Variants in ERBB4 observed in about 807,000 individuals in gnomAD.
ERBB4 encodes erb-b2 receptor tyrosine kinase 4, also known as receptor tyrosine-protein kinase erbB-4.
ERBB4 carries 42 observed loss-of-function variants against 158.0 expected under a neutral mutation model. The observed-to-expected ratio is 0.27, with a 90% CI of 0.21 to 0.34. ERBB4 has a LOEUF of 0.34. Among genes scored for constraint, ERBB4 ranks in the 10% least tolerant of loss-of-function variants. ERBB4 has a pLI of 1.00. For synonymous variants in ERBB4, 583 were observed against 558.7 expected (o/e 1.04, Z -0.61); for missense variants, 1,333 against 1,624.1 (o/e 0.82, Z 3.08).
At chr2:211,823,692 T>C (rs1194655638) in intron 3 of ERBB4, among the ~76,000 whole-genome samples, 1 of 152,014 alleles carries the variant, frequency 6.6e-6, no homozygotes, top group Non-Finnish European at 1.5e-5. Flanking sequence ...TCAAAGTATA[T>C]TAACTCAAAT....
intron 1 of ERBB4, among the ~76,000 whole-genome samples, chr2:212,515,687 AAACTT>A: frequency 6.6e-6 from 1 of 152,066 alleles, no homozygotes; most frequent in Non-Finnish European, 1.5e-5. Flanking sequence ...TCACCTAAGA[AAACTT>A]AAATTTTAAA....
intron 20 of ERBB4, among the ~76,000 whole-genome samples, chr2:211,520,369 C>T (rs556635651): frequency 1.2e-4 from 18 of 151,942 alleles, no homozygotes; most frequent in Non-Finnish European, 2.2e-4. Flanking sequence ...AGGGAGAAGA[C>T]GACATATTCA....
At chr2:212,155,154 T>C (rs114212730) in intron 1 of ERBB4, among the ~76,000 whole-genome samples, 5 of 152,328 alleles carry the variant, frequency 3.3e-5, no homozygotes, top group African/African-American at 1.2e-4. Flanking sequence ...AAATGTTTTA[T>C]TTAAAGCTTG....
chr2:211,684,226 T>C (rs1331778623), intron 12 of ERBB4, among the ~76,000 whole-genome samples: 1 of 152,046 alleles, frequency 6.6e-6, no homozygotes, highest in East Asian at 1.9e-4. Context: ...CCAAAGCTGG[T>C]GGATCATCTG....
At chr2:211,594,933 C>A (rs914497434) in intron 19 of ERBB4, among the ~76,000 whole-genome samples, 1 of 152,092 alleles carries the variant, frequency 6.6e-6, no homozygotes, top group Non-Finnish European at 1.5e-5. Context: ...GTGTGGCAGT[C>A]GTATGTCTAC....
At chr2:211,796,497 T>C (rs1233638173) in intron 3 of ERBB4, among the ~76,000 whole-genome samples, 1 of 151,988 alleles carries the variant, frequency 6.6e-6, no homozygotes, top group African/African-American at 2.4e-5. Context: ...TACTGCTGGG[T>C]CATAGTGATA....
intron 2 of ERBB4, among the ~76,000 whole-genome samples, chr2:211,953,748 T>C (rs1327373947): frequency 6.6e-6 from 1 of 152,046 alleles, no homozygotes; most frequent in Non-Finnish European, 1.5e-5. Flanking sequence ...AAAACTCTTC[T>C]AGCCCAAGGG....
Position 211,379,133 on chromosome 2 carries a change from T to C in ERBB4, c.*4482A>G. The C allele has an allele frequency of 4.3e-6, 1 of 231,100 alleles. No individual in the cohort carries two copies. Among genetic ancestry groups the C allele is most frequent in the Non-Finnish European group, 8.6e-6 (1 of 116,736 alleles). 14.3% of individuals were successfully genotyped at this position (231,100 alleles called of 1,614,324 possible). ...TCAGAAAAATTGTGATTCTTTGTTG[T>C]CATTTTTGGAGGCAAGAGGGCATAG... On this transcript the variant is annotated 3_prime_UTR_variant, in exon 28 of 28. Coordinates refer to ENST00000342788, the MANE Select transcript of ERBB4 (RefSeq NM_005235.3).
intron 3 of ERBB4, among the ~76,000 whole-genome samples, chr2:211,933,428 T>G (rs2080230374): frequency 6.6e-6 from 1 of 152,076 alleles, no homozygotes; most frequent in Non-Finnish European, 1.5e-5. Flanking sequence ...CCCAGTACTC[T>G]TTGAACAAGA....
intron 1 of ERBB4, among the ~76,000 whole-genome samples, chr2:212,290,731 T>C (rs889398471): frequency 3.3e-5 from 5 of 152,050 alleles, no homozygotes; most frequent in African/African-American, 9.7e-5. Context: ...AAATCACATA[T>C]TGGATTACTT....
At chr2:212,168,805 A>G (rs988400570) in intron 1 of ERBB4, among the ~76,000 whole-genome samples, 1 of 152,208 alleles carries the variant, frequency 6.6e-6, no homozygotes, top group African/African-American at 2.4e-5. Context: ...GCTGCTAATG[A>G]GGCCCATGCC....
chr2:212,049,296 C>T (rs1440907201), intron 2 of ERBB4, among the ~76,000 whole-genome samples: 2 of 152,150 alleles, frequency 1.3e-5, no homozygotes, highest in Non-Finnish European at 2.9e-5. Context: ...GATGTGTGTT[C>T]AACTTTCCAG....
intron 1 of ERBB4, among the ~76,000 whole-genome samples, chr2:212,215,538 A>C (rs2083072356): frequency 6.6e-6 from 1 of 151,322 alleles, no homozygotes; most frequent in South Asian, 2.1e-4. Flanking sequence ...TGAAATAGAA[A>C]TAATAACATG....
intron 1 of ERBB4, among the ~76,000 whole-genome samples, chr2:212,247,535 G>A (rs1287323610): frequency 6.6e-6 from 1 of 152,106 alleles, no homozygotes; most frequent in African/African-American, 2.4e-5. Flanking sequence ...TATTAGAATT[G>A]GTTGAAAATA....
Position 211,377,907 on chromosome 2 carries a change from T to A in ERBB4, c.*5708A>T. 1 of 232,908 alleles carries A rather than the reference T, an allele frequency of 4.3e-6. No individual in the cohort carries two copies. The highest frequency in any genetic ancestry group is 8.5e-6 in the Non-Finnish European group (1 of 117,558). The allele number at this position is 232,908 out of a possible 1,614,324, so 14.4% of individuals were successfully genotyped here. A position where few individuals can be genotyped will look rare whatever the true frequency, so the allele number is the denominator to read the frequency against. Reference sequence around the variant, plus strand: ...ACCATAATTTTAATAGCTTAAATATTCTCTATGCGGTAGTTTGATAGTTCA... The same window carrying A: ...ACCATAATTTTAATAGCTTAAATATACTCTATGCGGTAGTTTGATAGTTCA... On this transcript the variant is annotated 3_prime_UTR_variant, in exon 28 of 28. Coordinates refer to ENST00000342788, the MANE Select transcript of ERBB4 (RefSeq NM_005235.3).
intron 2 of ERBB4, among the ~76,000 whole-genome samples, chr2:212,080,527 C>G (rs1012903049): frequency 2.0e-5 from 3 of 151,404 alleles, no homozygotes; most frequent in Non-Finnish European, 4.4e-5. Context: ...GTGAAGACCA[C>G]AATTTTTATG....
intron 25 of ERBB4, among the ~76,000 whole-genome samples, chr2:211,415,735 C>T (rs1449170337): frequency 2.0e-5 from 3 of 152,092 alleles, no homozygotes; most frequent in Non-Finnish European, 2.9e-5. Flanking sequence ...TCAAGATACT[C>T]AACTTACATT....
chr2:211,458,237 G>A (rs750008372), intron 20 of ERBB4, among the ~76,000 whole-genome samples: 1 of 151,820 alleles, frequency 6.6e-6, no homozygotes, highest in Non-Finnish European at 1.5e-5. Context: ...TGTACAATGA[G>A]CCTTTGACCA....
chr2:212,470,309 C>T (rs2106113859), intron 1 of ERBB4, among the ~76,000 whole-genome samples: 2 of 152,014 alleles, frequency 1.3e-5, no homozygotes, highest in South Asian at 2.1e-4. Flanking sequence ...AGTAACTGGC[C>T]TATCATCATT....
Sources: allele counts gnomAD v4.1 joint callset (sites outside exome capture counted in the v4.1 genomes callset), GRCh38; gene constraint gnomAD v4.1.1; transcripts MANE v1.5; gene names NCBI Gene and HGNC (gene_info 2026-07-23, HGNC 2026-07-21).